The following NKAIN3 variants were observed in gnomAD, a reference collection of about 807,000 sequenced individuals.
NKAIN3 encodes the protein sodium/potassium-transporting ATPase subunit beta-1-interacting protein 3.
A neutral mutation model predicts 30.2 loss-of-function variants in NKAIN3; 25 were observed. The observed-to-expected ratio is 0.83, with a 90% CI of 0.60 to 1.16. The LOEUF (loss-of-function observed/expected upper bound fraction) is 1.16. Ranked by LOEUF, NKAIN3 falls within the 50% of genes most tolerant of loss-of-function variation. The pLI, the probability that NKAIN3 is intolerant of heterozygous loss-of-function variation, is 0.00. For missense variants in NKAIN3, 225 were observed against 254.1 expected (o/e 0.89, Z 0.78); for synonymous variants, 91 against 89.6 (o/e 1.02, Z -0.09).
intron 1 of NKAIN3, among the ~76,000 whole-genome samples, chr8:62,278,332 T>C (rs1370520733): frequency 6.6e-6 from 1 of 151,640 alleles, no homozygotes; most frequent in Non-Finnish European, 1.5e-5. Context: ...GTAGACCCAC[T>C]GTACAAAGCA....
At chr8:62,726,693 A>C (rs1310025024) in intron 3 of NKAIN3, among the ~76,000 whole-genome samples, 3 of 152,056 alleles carry the variant, frequency 2.0e-5, no homozygotes, top group Non-Finnish European at 4.4e-5. Context: ...TTATGAAGGA[A>C]ATTCAATCAA....
chr8:62,753,598 A>G (rs1382710709), intron 4 of NKAIN3, among the ~76,000 whole-genome samples: 1 of 152,156 alleles, frequency 6.6e-6, no homozygotes, highest in Admixed American at 6.5e-5. Context: ...TATTGATACT[A>G]ACCTGATGTA....
chr8:62,284,558 AG>A lies in NKAIN3; in HGVS notation c.54+35433del, dbSNP rs1288901848. Among the ~76,000 whole-genome samples the A allele has an allele frequency of 4.6e-5, 7 of 152,022 alleles. 1 individual carries two copies. In the East Asian group the frequency reaches 1.4e-3, roughly 29 times the overall value. On this transcript the variant is annotated intron_variant, in intron 1 of 6. Transcript: ENST00000623646. ...GGAGAATTGCTTGAACCTTGGAGGT[AG>A]GTGGAGGTTGCACTGAGCCAAGATT...
chr8:62,600,167 A>G (rs1563478023), intron 3 of NKAIN3, among the ~76,000 whole-genome samples: 1 of 152,024 alleles, frequency 6.6e-6, no homozygotes, highest in Non-Finnish European at 1.5e-5. Context: ...TAATTGACTT[A>G]TCTTGAAAGG....
chr8:62,863,877 G>T, intron 4 of NKAIN3: 2 of 1,485,920 alleles, frequency 1.3e-6, no homozygotes, highest in Non-Finnish European at 1.9e-6. Flanking sequence ...TAGTCCGCAG[G>T]GTCCTCTTGC....
At chr8:62,324,631 G>C (rs1290296623) in intron 1 of NKAIN3, among the ~76,000 whole-genome samples, 1 of 152,066 alleles carries the variant, frequency 6.6e-6, no homozygotes, top group Non-Finnish European at 1.5e-5. Context: ...CCAGTCTTTT[G>C]AAATTCCCTT....
At chr8:62,628,037 T>C (rs894778603) in intron 3 of NKAIN3, among the ~76,000 whole-genome samples, 3 of 152,136 alleles carry the variant, frequency 2.0e-5, no homozygotes, top group African/African-American at 7.2e-5. Flanking sequence ...TGTCAAGGTA[T>C]CTTGCCATCG....
Position 62,249,137 on chromosome 8 carries a change from C to G in NKAIN3, c.54+10C>G. 1 of 1,532,158 alleles carries G rather than the reference C, an allele frequency of 6.5e-7. No individual in the cohort carries two copies. Among genetic ancestry groups the G allele is most frequent in the Non-Finnish European group, 8.8e-7 (1 of 1,141,546 alleles). The allele number at this position is 1,532,158 out of a possible 1,614,324, so 94.9% of individuals were successfully genotyped here. A position where few individuals can be genotyped will look rare whatever the true frequency, so the allele number is the denominator to read the frequency against. On this transcript the variant is annotated intron_variant, in intron 1 of 6. Transcript: ENST00000623646. Reference sequence around the variant, plus strand: ...CTGCGCGCTGCAGTTGGTGAGTGCCCCGAGGGCCCCTGCCCCAGGACAGGT... The same window carrying G: ...CTGCGCGCTGCAGTTGGTGAGTGCCGCGAGGGCCCCTGCCCCAGGACAGGT...
chr8:62,626,884 C>T (rs776163354), intron 3 of NKAIN3, among the ~76,000 whole-genome samples: 1 of 152,052 alleles, frequency 6.6e-6, no homozygotes, highest in African/African-American at 2.4e-5. Flanking sequence ...CCAAATTTAA[C>T]AATTAAATCT....
chr8:62,848,179 G>A (rs1393910221), intron 4 of NKAIN3, among the ~76,000 whole-genome samples: 1 of 151,982 alleles, frequency 6.6e-6, no homozygotes, highest in African/African-American at 2.4e-5. Flanking sequence ...CTGGTTTTAT[G>A]AATTTTAAAA....
chr8:62,427,297 G>A (rs559916884), intron 1 of NKAIN3, among the ~76,000 whole-genome samples: 85 of 152,092 alleles, frequency 5.6e-4, no homozygotes, highest in African/African-American at 2.0e-3. Flanking sequence ...ACTTCTCCAT[G>A]TGTTTATGAG....
At chr8:62,429,562 C>A (rs148535294) in intron 1 of NKAIN3, among the ~76,000 whole-genome samples, 6 of 151,872 alleles carry the variant, frequency 4.0e-5, no homozygotes, top group African/African-American at 1.4e-4. Context: ...TTTTATTTGT[C>A]TAGTTTTGAT....
At chr8:62,483,221 T>C (rs978430791) in intron 1 of NKAIN3, 4 of 152,290 alleles carry the variant, frequency 2.6e-5, no homozygotes, top group African/African-American at 4.8e-5. Flanking sequence ...CCACTGTTGA[T>C]TGAGAAAACT....
chr8:62,722,083 T>C (rs957627073), intron 3 of NKAIN3, among the ~76,000 whole-genome samples: 1 of 152,222 alleles, frequency 6.6e-6, no homozygotes, highest in Non-Finnish European at 1.5e-5. Context: ...GAAAAGAGGA[T>C]GTTTTAAGAT....
intron 1 of NKAIN3, among the ~76,000 whole-genome samples, chr8:62,413,969 G>A (rs1422668087): frequency 6.6e-6 from 1 of 151,806 alleles, no homozygotes; most frequent in Admixed American, 6.6e-5. Context: ...TATACTATTA[G>A]ACATAGATAA....
chr8:62,557,810 C>T (rs1809454301), intron 1 of NKAIN3, among the ~76,000 whole-genome samples: 1 of 151,988 alleles, frequency 6.6e-6, no homozygotes, highest in Non-Finnish European at 1.5e-5. Flanking sequence ...GATATTAGTC[C>T]TTTGTTGGAT....
intron 1 of NKAIN3, among the ~76,000 whole-genome samples, chr8:62,470,025 T>C (rs1177404968): frequency 2.0e-5 from 3 of 152,188 alleles, no homozygotes; most frequent in Non-Finnish European, 2.9e-5. Flanking sequence ...TCTTTACTAA[T>C]AGAGGTTTTA....
In NKAIN3 at chr8:62,935,608, A is replaced by G. The variant is rs1157052096; in HGVS notation, c.532+17095A>G. On this transcript the variant is annotated intron_variant, in intron 5 of 6. Coordinates refer to ENST00000623646, the MANE Select transcript of NKAIN3 (RefSeq NM_001304533.3). ...TTCTTTCCAGAATTTTGTTAACAAT[A>G]AAGTTCTTAATAAATAGGCTAAAAA... Among the ~76,000 whole-genome samples the G allele has an allele frequency of 2.6e-5, 4 of 152,170 alleles. No individual in the cohort carries two copies. The East Asian group carries it at 7.7e-4, about 29-fold the overall frequency.
chr8:62,562,298 A>G (rs2129982916), intron 1 of NKAIN3, among the ~76,000 whole-genome samples: 1 of 152,306 alleles, frequency 6.6e-6, no homozygotes, highest in South Asian at 2.1e-4. Flanking sequence ...AGAGTTGTTT[A>G]AAAGTGTTTG....
Sources: allele counts gnomAD v4.1 joint callset (sites outside exome capture counted in the v4.1 genomes callset), GRCh38; gene constraint gnomAD v4.1.1; transcripts MANE v1.5; gene names NCBI Gene and HGNC (gene_info 2026-07-23, HGNC 2026-07-21).